TENM2: variants seen among roughly 807,000 people sequenced by gnomAD.
The protein encoded by TENM2 is teneurin transmembrane protein 2, also known as teneurin-2.
In TENM2, 52 loss-of-function variants were observed where a neutral mutation model predicts 245.2. The ratio of observed to expected loss-of-function variants is 0.21; its 90% CI spans 0.17 to 0.27. The LOEUF is 0.27. TENM2 is among the 10% of genes least tolerant of loss of function. The pLI, the probability that TENM2 is intolerant of heterozygous loss-of-function variation, is 1.00. For synonymous variants in TENM2, 1,363 were observed against 1,438.9 expected, an observed-to-expected ratio of 0.95 and a Z score of 1.19; for missense variants, 3,046 against 3,666.8, an observed-to-expected ratio of 0.83 and a Z score of 4.37.
In TENM2 at chr5:167,323,868, G is replaced by A. The variant is rs534436220; in HGVS notation, c.226+38805G>A. On this transcript the variant is annotated intron_variant, in intron 1 of 28. Coordinates refer to ENST00000518659, the Ensembl canonical transcript of TENM2. ...ACCTGTGAACTTCAGAGAAATGTAC[G>A]AAGTCAGAACCTCCCCAAGGCTTAC... Among the ~76,000 whole-genome samples, 10 of 152,226 alleles carry A rather than the reference G, an allele frequency of 6.6e-5. No individual in the cohort carries two copies. In the East Asian group the frequency reaches 1.4e-3, roughly 21 times the overall value.
chr5:167,797,067 G>A (rs534767005), intron 2 of TENM2, among the ~76,000 whole-genome samples: 13 of 152,074 alleles, frequency 8.5e-5, no homozygotes, highest in Non-Finnish European at 1.9e-4. Context: ...AGTTATTAAT[G>A]GTAATACGGA....
chr5:167,785,598 C>A (rs1023473041), intron 2 of TENM2, among the ~76,000 whole-genome samples: 1 of 152,148 alleles, frequency 6.6e-6, no homozygotes, highest in Non-Finnish European at 1.5e-5. Flanking sequence ...ATAGAGTAAT[C>A]CCCAGGATAG....
At chr5:168,198,627 T>C (rs1300354384) in intron 15 of TENM2, among the ~76,000 whole-genome samples, 2 of 152,210 alleles carry the variant, frequency 1.3e-5, no homozygotes, top group Non-Finnish European at 2.9e-5. Context: ...ATTATTCCCA[T>C]TTTACAGATG....
chr5:167,782,866 G>T (rs1764291693), intron 2 of TENM2, among the ~76,000 whole-genome samples: 1 of 152,186 alleles, frequency 6.6e-6, no homozygotes, highest in Non-Finnish European at 1.5e-5. Flanking sequence ...AGACTATCAG[G>T]CAGCTGTCAG....
intron 26 of TENM2, among the ~76,000 whole-genome samples, chr5:168,245,222 A>C (rs890561160): frequency 1.7e-5 from 2 of 115,590 alleles, no homozygotes; most frequent in African/African-American, 3.3e-5. Flanking sequence ...CACTATTACC[A>C]TTGGGGTGGG....
chr5:167,290,728 A>C (rs892634659), intron 1 of TENM2, among the ~76,000 whole-genome samples: 3 of 151,984 alleles, frequency 2.0e-5, no homozygotes, highest in African/African-American at 7.3e-5. Context: ...ACTGATGCCA[A>C]CACACTGTAA....
rs528771983 is a variant in TENM2 at position 168,154,244 on chromosome 5, G to T, written c.2423-8367G>T. On this transcript the variant is annotated intron_variant, in intron 12 of 28. Coordinates refer to ENST00000518659, the Ensembl canonical transcript of TENM2. ...CTCCTTTTTTTTGAGACAAAGTCTC[G>T]TTCTTTTGCCCAGGCTGGAGTGAAG... 3.0e-4 allele frequency among the ~76,000 whole-genome samples: 45 copies of T among 148,144 alleles called. 1 individual carries two copies. The Middle Eastern group carries it at 0.035, about 116-fold the overall frequency.
chr5:167,920,353 A>G (rs1422183528), intron 3 of TENM2, among the ~76,000 whole-genome samples: 7 of 145,946 alleles, frequency 4.8e-5, no homozygotes, highest in African/African-American at 1.9e-4. Context: ...AAAAAAAAGA[A>G]AAAAAAAATC....
chr5:167,970,237 C>T (rs1170813696), intron 4 of TENM2, among the ~76,000 whole-genome samples: 1 of 152,220 alleles, frequency 6.6e-6, no homozygotes, highest in Non-Finnish European at 1.5e-5. Context: ...TGACTCATCA[C>T]CCTCTCTGGT....
chr5:167,780,039 A>G (rs1389731453), intron 2 of TENM2, among the ~76,000 whole-genome samples: 4 of 152,236 alleles, frequency 2.6e-5, no homozygotes, highest in African/African-American at 7.2e-5. Flanking sequence ...AAGTTCCCAA[A>G]GCATGGAATA....
chr5:167,031,610 G>C, the TENM2 span, among the ~76,000 whole-genome samples: 1 of 152,226 alleles, frequency 6.6e-6, no homozygotes, highest in African/African-American at 2.4e-5. Context: ...TGTTGCCCAA[G>C]CTGGAGTGCA....
At chr5:167,363,907 A>G (rs1173807702) in intron 1 of TENM2, among the ~76,000 whole-genome samples, 1 of 152,226 alleles carries the variant, frequency 6.6e-6, no homozygotes, top group Admixed American at 6.5e-5. Context: ...CAACAATTGA[A>G]AAGCAATATC....
chr5:167,310,929 G>C (rs920643851), intron 1 of TENM2, among the ~76,000 whole-genome samples: 1 of 152,152 alleles, frequency 6.6e-6, no homozygotes, highest in Non-Finnish European at 1.5e-5. Context: ...GACTTAGTAT[G>C]AACCCAGTTT....
At chr5:167,112,389 A>G in the TENM2 span, among the ~76,000 whole-genome samples, 1 of 152,254 alleles carries the variant, frequency 6.6e-6, no homozygotes, top group South Asian at 2.1e-4. Context: ...TTCTCTATGT[A>G]ATAACATCTT....
the TENM2 span, among the ~76,000 whole-genome samples, chr5:167,181,283 G>A: frequency 3.3e-5 from 5 of 151,998 alleles, no homozygotes; most frequent in Admixed American, 6.6e-5. Flanking sequence ...CAAATCTAGC[G>A]GTAATCCTTT....
rs1361021247 is a variant in TENM2, at chr5:167,321,799, T to TTTTTTTTG, written c.226+36738_226+36739insTTTTTGTT. On this transcript the variant is annotated intron_variant, in intron 1 of 28. Coordinates refer to ENST00000518659, the Ensembl canonical transcript of TENM2. ...TGCCTTGGCTTATTTTTTTTTTTTT[T>TTTTTTTTG]TTGGGGGGGGGGGCGGGGGGGGGGG... is the stretch of plus-strand genomic sequence containing the variant. Among the ~76,000 whole-genome samples the TTTTTTTTG allele has an allele frequency of 1.4e-3, 27 of 19,236 alleles. 4 individuals are homozygous for TTTTTTTTG. Among genetic ancestry groups the TTTTTTTTG allele is most frequent in the African/African-American group, 2.4e-3 (13 of 5,408 alleles). 12.6% of individuals were successfully genotyped at this position (19,236 alleles called of 152,430 possible). A position where few individuals can be genotyped will look rare whatever the true frequency, so the allele number is the denominator to read the frequency against.
chr5:167,205,664 C>G, the TENM2 span, among the ~76,000 whole-genome samples: 2 of 152,154 alleles, frequency 1.3e-5, no homozygotes, highest in African/African-American at 4.8e-5. Context: ...TAACAGACAA[C>G]AACGTCTACT....
intron 12 of TENM2, among the ~76,000 whole-genome samples, chr5:168,151,028 A>G (rs1010204336): frequency 2.6e-5 from 4 of 151,852 alleles, no homozygotes; most frequent in Admixed American, 2.6e-4. Context: ...CAAGCCGGAC[A>G]CTCTCACCCG....
At chr5:167,183,306 A>G in the TENM2 span, among the ~76,000 whole-genome samples, 3 of 152,158 alleles carry the variant, frequency 2.0e-5, no homozygotes, top group South Asian at 2.1e-4. Context: ...TCTTTCCTCA[A>G]TTTCCCAGTG....
Sources: allele counts gnomAD v4.1 joint callset (sites outside exome capture counted in the v4.1 genomes callset), GRCh38; gene constraint gnomAD v4.1.1; transcripts MANE v1.5; gene names NCBI Gene and HGNC (gene_info 2026-07-23, HGNC 2026-07-21).